Variants in SCAPER observed in about 807,000 individuals in gnomAD.
The protein encoded by SCAPER is S-phase cyclin A associated protein in the ER.
A neutral mutation model predicts 182.2 loss-of-function variants in SCAPER; 98 were observed. That is an observed-to-expected ratio of 0.54 (90% CI 0.46 to 0.64). SCAPER has a LOEUF of 0.64. SCAPER is among the 30% of genes least tolerant of loss of function. SCAPER has a pLI of 0.00. For missense variants in SCAPER, 1,432 were observed against 1,690.0 expected, an observed-to-expected ratio of 0.85 and a Z score of 2.68; for synonymous variants, 605 against 564.6, an observed-to-expected ratio of 1.07 and a Z score of -1.01.
At chr15:76,754,427 A>G (rs2062286499) in intron 14 of SCAPER, among the ~76,000 whole-genome samples, 1 of 152,084 alleles carries the variant, frequency 6.6e-6, no homozygotes, top group Non-Finnish European at 1.5e-5. Context: ...TAGAAACTGA[A>G]AAATGACATC....
intron 23 of SCAPER, among the ~76,000 whole-genome samples, chr15:76,538,400 G>A (rs1398836755): frequency 1.7e-4 from 26 of 150,710 alleles, no homozygotes; most frequent in Non-Finnish European, 3.2e-4. Flanking sequence ...AAAATGATGA[G>A]TTCATGTCCT....
rs75683157 is a variant in SCAPER, at chr15:76,514,780, G to T, written c.2839-9806C>A. Among the ~76,000 whole-genome samples, 10 of 152,214 alleles carry T rather than the reference G, an allele frequency of 6.6e-5. No homozygotes were observed. The East Asian group carries it at 1.7e-3, about 26-fold the overall frequency. On this transcript the variant is annotated intron_variant, in intron 23 of 31. Transcript: ENST00000563290. ...ACGTCCTGAAGTGAAAATTTTTATG[G>T]TCGTTTTTCCCAATATGGAAAACTT...
intron 23 of SCAPER, among the ~76,000 whole-genome samples, chr15:76,511,507 A>G (rs2042021610): frequency 6.6e-6 from 1 of 152,162 alleles, no homozygotes; most frequent in Non-Finnish European, 1.5e-5. Context: ...TTCACAGTCT[A>G]CAGAAAGAGA....
intron 27 of SCAPER, among the ~76,000 whole-genome samples, chr15:76,393,027 A>G (rs2043813779): frequency 6.6e-6 from 1 of 152,168 alleles, no homozygotes; most frequent in Non-Finnish European, 1.5e-5. Flanking sequence ...CATAGTGAGC[A>G]CTCATGTGAA....
chr15:76,396,143 G>C (rs998575292), intron 27 of SCAPER, among the ~76,000 whole-genome samples: 1 of 152,120 alleles, frequency 6.6e-6, no homozygotes, highest in Non-Finnish European at 1.5e-5. Flanking sequence ...GTTCACTGTA[G>C]ATGAATTTGT....
At chr15:76,416,972 CAGA>C (rs1184006264) in intron 26 of SCAPER, among the ~76,000 whole-genome samples, 8 of 151,852 alleles carry the variant, frequency 5.3e-5, no homozygotes, top group Non-Finnish European at 1.2e-4. Context: ...GAGGTTGAGG[CAGA>C]AGGACTGCTT....
chr15:76,795,271 G>T lies in SCAPER; in HGVS notation c.772+9C>A, dbSNP rs771811493. On this transcript the variant is annotated intron_variant, in intron 8 of 31. Transcript: ENST00000563290. ...TACTACACAAAATGGCTAATTCGAA[G>T]TCACTTGCCATTTTTGCGTGAGGCC... 1.2e-6 allele frequency: 2 copies of T among 1,601,992 alleles called. No homozygotes were observed. The highest frequency in any genetic ancestry group is 1.7e-6 in the Non-Finnish European group (2 of 1,173,452).
intron 21 of SCAPER, among the ~76,000 whole-genome samples, chr15:76,640,986 A>T (rs972723359): frequency 6.6e-6 from 1 of 152,172 alleles, no homozygotes; most frequent in East Asian, 1.9e-4. Flanking sequence ...GAGAGCCTAT[A>T]AACGGAAGCA....
At chr15:76,763,769 T>A (rs1186257752) in intron 14 of SCAPER, among the ~76,000 whole-genome samples, 1 of 152,224 alleles carries the variant, frequency 6.6e-6, no homozygotes, top group African/African-American at 2.4e-5. Context: ...ATTTTCTAGT[T>A]TCTTCAGTGT....
chr15:76,841,884 T>C lies in SCAPER; in HGVS notation c.243A>G (p.Lys81=). 1 of 1,613,914 alleles carries C rather than the reference T, an allele frequency of 6.2e-7. No homozygotes were observed. The highest frequency in any genetic ancestry group is 8.5e-7 in the Non-Finnish European group (1 of 1,179,848). The change falls in exon 5 of 32, where the codon AAA becomes AAG. Residue 81 remains lysine (K), a synonymous_variant. Transcript: ENST00000563290. ...TTTTAGTGGGACTTTTATCAAAGTG[T>C]TTATCTCCAGTCGTAGACGATGTTA... ...CKITSSTTGD[K]HFDKSPTKTR...
intron 21 of SCAPER, among the ~76,000 whole-genome samples, chr15:76,625,090 A>T (rs2052445062): frequency 6.6e-6 from 1 of 152,124 alleles, no homozygotes; most frequent in Non-Finnish European, 1.5e-5. Context: ...ACAGCGGTGG[A>T]CTGGGCTGGG....
chr15:76,820,612 A>C (rs2067463683), intron 5 of SCAPER, among the ~76,000 whole-genome samples: 2 of 136,772 alleles, frequency 1.5e-5, no homozygotes, highest in Admixed American at 7.6e-5. Context: ...GGGGGGAGGG[A>C]TAGCATCAGG....
chr15:76,633,931 G>A (rs911658028), intron 21 of SCAPER, among the ~76,000 whole-genome samples: 30 of 152,178 alleles, frequency 2.0e-4, no homozygotes, highest in Admixed American at 7.2e-4. Context: ...CACTGAGGGC[G>A]GCCACTTTGG....
At chr15:76,885,275 T>C (rs2073780416) in intron 1 of SCAPER, among the ~76,000 whole-genome samples, 1 of 152,076 alleles carries the variant, frequency 6.6e-6, no homozygotes, top group Non-Finnish European at 1.5e-5. Context: ...TCACAGTAGG[T>C]TATCATGTCC....
chr15:76,834,929 A>T (rs1294545474), intron 5 of SCAPER, among the ~76,000 whole-genome samples: 1 of 152,140 alleles, frequency 6.6e-6, no homozygotes, highest in Non-Finnish European at 1.5e-5. Flanking sequence ...AACCAAAAAA[A>T]TCCCTGAACC....
In SCAPER at chr15:76,702,852, G is replaced by A; in HGVS notation, c.2398C>T (p.Leu800=). 2 of 1,601,392 alleles carry A rather than the reference G, an allele frequency of 1.2e-6. No homozygotes were observed. The highest frequency in any genetic ancestry group is 1.7e-6 in the Non-Finnish European group (2 of 1,176,744). Residue 800 remains leucine, a splice_region_variant and synonymous_variant, in exon 19 of 32, where the codon CTG becomes TTG. Transcript: ENST00000563290. ...RKKQCSLCNV[L]ISSEVYLFSH... is the part of the protein sequence containing the mutation. ...ACAATATTGATATAACAACCTACCAGGACATTGCAGAGAGAACACTGCTTC... is the reference window on the plus strand; with the variant it reads ...ACAATATTGATATAACAACCTACCAAGACATTGCAGAGAGAACACTGCTTC...
At chr15:76,667,324 A>C (rs1418502513) in intron 20 of SCAPER, among the ~76,000 whole-genome samples, 1 of 152,032 alleles carries the variant, frequency 6.6e-6, no homozygotes, top group African/African-American at 2.4e-5. Context: ...GCTCCTTCTA[A>C]GTCTTCTTTG....
intron 8 of SCAPER, among the ~76,000 whole-genome samples, chr15:76,778,760 G>A (rs1453140951): frequency 6.6e-6 from 1 of 151,790 alleles, no homozygotes; most frequent in African/African-American, 2.4e-5. Flanking sequence ...ATGTATGTGT[G>A]GTCAAGCAGG....
intron 8 of SCAPER, 79 bp downstream of exon 8, chr15:76,795,201 G>A (rs2065238983): frequency 3.2e-6 from 4 of 1,244,894 alleles, no homozygotes; most frequent in Non-Finnish European, 4.4e-6. Context: ...AAGATAAATA[G>A]GACCAATTTT....
Sources: gnomAD v4.1 joint callset for allele counts (sites outside exome capture counted in the v4.1 genomes callset) on GRCh38, gnomAD v4.1.1 for gene constraint, MANE v1.5 for transcripts, NCBI Gene and HGNC (gene_info 2026-07-23, HGNC 2026-07-21) for gene names.